The following NPIPA1 variants were observed in gnomAD, a reference collection of about 807,000 sequenced individuals.
NPIPA1 encodes the protein nuclear pore complex interacting protein family member A1.
For synonymous variants in NPIPA1, 7 were observed against 88.0 expected, an observed-to-expected ratio of 0.08 and a Z score of 5.15; for missense variants, 22 against 232.2, an observed-to-expected ratio of 0.09 and a Z score of 5.88.
At chr16:14,938,361 G>C (rs1965673428) in intron 1 of NPIPA1, 1 of 1,303,996 alleles carries the variant, frequency 7.7e-7, no homozygotes, top group African/African-American at 1.7e-5. Context: ...CCACCTGTGT[G>C]AGTAGACGCT....
chr16:14,948,336 C>T (rs1965942621), intron 4 of NPIPA1, among the ~76,000 whole-genome samples: 1 of 152,236 alleles, frequency 6.6e-6, no homozygotes, highest in South Asian at 2.1e-4. Flanking sequence ...TTCAGATTGC[C>T]TTTTCAGGAT....
intron 1 of NPIPA1, chr16:14,938,097 T>A (rs1258371518): frequency 8.0e-6 from 2 of 250,082 alleles, no homozygotes; most frequent in East Asian, 3.2e-4. Context: ...CCCCTCCCCC[T>A]CCCCTCCCCC....
At chr16:14,939,468 CTCTT>C (rs1472128835) in intron 1 of NPIPA1, among the ~76,000 whole-genome samples, 3 of 137,764 alleles carry the variant, frequency 2.2e-5, no homozygotes, top group African/African-American at 7.9e-5. Context: ...CCCAGCCAGT[CTCTT>C]TCTTATCATA....
intron 2 of NPIPA1, among the ~76,000 whole-genome samples, chr16:14,945,227 G>GTGTT (rs748459839): frequency 7.3e-6 from 1 of 137,748 alleles, no homozygotes; most frequent in African/African-American, 2.8e-5. Flanking sequence ...ATTCTTGTGT[G>GTGTT]GTGTGTGTGT....
At position 14,947,271 on chromosome 16, in the gene NPIPA1, A is replaced by T. The variant is rs558207983; in HGVS notation, c.437+1290A>T. Among the ~76,000 whole-genome samples the T allele has an allele frequency of 3.5e-3, 528 of 152,236 alleles. 6 individuals are homozygous for T. Among genetic ancestry groups the T allele is most frequent in the African/African-American group, 0.012 (507 of 41,476 alleles). On this transcript the variant is annotated intron_variant, in intron 4 of 7. Transcript: ENST00000328085. ...ATTTAACAATGAATTGAGGCCTAGT[A>T]GCATGTTATCTTGCTGCAGAAGAGA...
Position 14,939,964 on chromosome 16 carries a change from T to C in NPIPA1, c.64-1848T>C, listed in dbSNP as rs1202064773. ...AGGCTGAAGTGCAGTGGTGCGATCTTGGCTCACTGCAACCTCTACCTCCCA... is the reference window on the plus strand; with the variant it reads ...AGGCTGAAGTGCAGTGGTGCGATCTCGGCTCACTGCAACCTCTACCTCCCA... On this transcript the variant is annotated intron_variant, in intron 1 of 7. Transcript: ENST00000328085. Among the ~76,000 whole-genome samples the C allele has an allele frequency of 7.0e-4, 25 of 35,734 alleles. 1 individual carries two copies. Among genetic ancestry groups the C allele is most frequent in the Middle Eastern group, 0.01 (1 of 96 alleles). The allele number at this position is 35,734 out of a possible 152,430, so 23.4% of individuals were successfully genotyped here.
At chr16:14,940,435 G>A (rs1965722361) in intron 1 of NPIPA1, among the ~76,000 whole-genome samples, 1 of 151,958 alleles carries the variant, frequency 6.6e-6, no homozygotes, top group East Asian at 2.0e-4. Context: ...CTGGCCAGGT[G>A]CAGTGGCTCA....
At chr16:14,937,750 C>G (rs1283102280) in intron 1 of NPIPA1, 1 of 618,326 alleles carries the variant, frequency 1.6e-6, no homozygotes, top group Non-Finnish European at 2.8e-6. Flanking sequence ...CTTGGAATGT[C>G]CATTGTGAGG....
chr16:14,940,432 G>A (rs1965722249), intron 1 of NPIPA1, among the ~76,000 whole-genome samples: 3 of 152,044 alleles, frequency 2.0e-5, no homozygotes, highest in South Asian at 2.1e-4. Context: ...CTACTGGCCA[G>A]GTGCAGTGGC....
chr16:14,940,740 A>G lies in NPIPA1; in HGVS notation c.64-1072A>G, dbSNP rs1387421054. 6.0e-5 allele frequency among the ~76,000 whole-genome samples: 7 copies of G among 116,914 alleles called. No individual in the cohort carries two copies. The East Asian group carries it at 1.9e-3, about 31-fold the overall frequency. The allele number at this position is 116,914 out of a possible 152,430, so 76.7% of individuals were successfully genotyped here. A position where few individuals can be genotyped will look rare whatever the true frequency, so the allele number is the denominator to read the frequency against. On this transcript the variant is annotated intron_variant, in intron 1 of 7. Transcript: ENST00000328085. Reference sequence around the variant, plus strand: ...ATAAAAGATAAGATAATTACTTTATACTTAGCTTGTCTTACCCATGAGTGA... The same window carrying G: ...ATAAAAGATAAGATAATTACTTTATGCTTAGCTTGTCTTACCCATGAGTGA...
chr16:14,949,716 GC>G, intron 5 of NPIPA1: 1 of 634,160 alleles, frequency 1.6e-6, no homozygotes, highest in Admixed American at 3.1e-5. Context: ...CCCTGCCTCA[GC>G]CTCCCGAGTA....
chr16:14,945,187 A>G (rs1441139996), intron 2 of NPIPA1, among the ~76,000 whole-genome samples: 3 of 150,800 alleles, frequency 2.0e-5, no homozygotes, highest in Non-Finnish European at 2.9e-5. Context: ...CTGGGATTAC[A>G]GGAGTGAGCC....
intron 2 of NPIPA1, among the ~76,000 whole-genome samples, chr16:14,945,230 G>T (rs1272686407): frequency 3.0e-5 from 4 of 131,420 alleles, no homozygotes; most frequent in South Asian, 2.4e-4. Context: ...CTTGTGTGGT[G>T]TGTGTGTGTG....
intron 2 of NPIPA1, among the ~76,000 whole-genome samples, chr16:14,942,747 A>G (rs1452775395): frequency 1.3e-5 from 2 of 152,240 alleles, no homozygotes; most frequent in African/African-American, 4.8e-5. Flanking sequence ...TTGCAACTGG[A>G]GAGAGATCCG....
At chr16:14,943,825 G>GA (rs1965811734) in intron 2 of NPIPA1, among the ~76,000 whole-genome samples, 1 of 151,948 alleles carries the variant, frequency 6.6e-6, no homozygotes, top group African/African-American at 2.4e-5. Context: ...CAGAAATCAG[G>GA]AAAAAACAAA....
At chr16:14,940,674 C>T (rs1214085737) in intron 1 of NPIPA1, among the ~76,000 whole-genome samples, 2 of 137,860 alleles carry the variant, frequency 1.5e-5, no homozygotes, top group African/African-American at 5.6e-5. Context: ...CCACTGCAAT[C>T]TAGCCTGGGT....
rs749931118 is a variant in NPIPA1, at chr16:14,951,768, C to A, written c.796C>A (p.Pro266Thr). ...IIDNSLSLKTPSECLLTPLPP... is the reference protein window; with the variant it reads ...IIDNSLSLKTTSECLLTPLPP... ...TGATAACTCCCTGAGCCTCAAGACACCTTCCGAGTGTCTGCTCACTCCCCT... is the reference window on the plus strand; with the variant it reads ...TGATAACTCCCTGAGCCTCAAGACAACTTCCGAGTGTCTGCTCACTCCCCT... Residue 266 changes from proline to threonine, a missense_variant, in exon 8 of 8, where the codon CCT (proline) becomes ACT (threonine). Pro to Thr is a conservative substitution (Grantham distance 38, BLOSUM62 -1). Coordinates refer to ENST00000328085, the MANE Select transcript of NPIPA1 (RefSeq NM_006985.4). 65 of 1,503,290 alleles carry A rather than the reference C, an allele frequency of 4.3e-5. 2 individuals carry two copies. Among genetic ancestry groups the A allele is most frequent in the Non-Finnish European group, 5.6e-5 (63 of 1,120,192 alleles). The allele number at this position is 1,503,290 out of a possible 1,614,324, so 93.1% of individuals were successfully genotyped here. A position where few individuals can be genotyped will look rare whatever the true frequency, so the allele number is the denominator to read the frequency against.
intron 1 of NPIPA1, among the ~76,000 whole-genome samples, chr16:14,940,303 G>C (rs1965717814): frequency 6.8e-6 from 1 of 146,370 alleles, no homozygotes; most frequent in Admixed American, 6.9e-5. Context: ...AAATGACAAA[G>C]ATTCATATAA....
intron 2 of NPIPA1, among the ~76,000 whole-genome samples, chr16:14,943,140 G>T: frequency 6.7e-6 from 1 of 150,200 alleles, no homozygotes; most frequent in Non-Finnish European, 1.5e-5. Flanking sequence ...TAAATTGGAG[G>T]AAGCTTTTTT....
Sources: gnomAD v4.1 joint callset for allele counts (sites outside exome capture counted in the v4.1 genomes callset) on GRCh38, gnomAD v4.1.1 for gene constraint, MANE v1.5 for transcripts, NCBI Gene and HGNC (gene_info 2026-07-23, HGNC 2026-07-21) for gene names.